The following KCNIP4 variants were observed in gnomAD, a reference collection of about 807,000 sequenced individuals.
KCNIP4 encodes the protein Kv channel-interacting protein 4.
KCNIP4 carries 12 observed loss-of-function variants against 34.0 expected under a neutral mutation model. The observed-to-expected ratio is 0.35, with a 90% CI of 0.23 to 0.57. KCNIP4 has a LOEUF of 0.57. Ranked by LOEUF, KCNIP4 falls within the 20% of genes least tolerant of loss-of-function variation. The pLI, the probability that KCNIP4 is intolerant of heterozygous loss-of-function variation, is 0.83. For synonymous variants in KCNIP4, 124 were observed against 102.2 expected, an observed-to-expected ratio of 1.21 and a Z score of -1.29; for missense variants, 238 against 311.7, an observed-to-expected ratio of 0.76 and a Z score of 1.78.
intron 1 of KCNIP4, among the ~76,000 whole-genome samples, chr4:21,579,070 G>T (rs1050517131): frequency 6.6e-6 from 1 of 152,130 alleles, no homozygotes; most frequent in Non-Finnish European, 1.5e-5. Flanking sequence ...GAGATTCTAA[G>T]AGATCAACTG....
intron 1 of KCNIP4, among the ~76,000 whole-genome samples, chr4:21,311,487 G>A (rs938352598): frequency 6.6e-6 from 1 of 152,064 alleles, no homozygotes; most frequent in Non-Finnish European, 1.5e-5. Context: ...TCAAGAGATC[G>A]AGACCATCCT....
intron 1 of KCNIP4, among the ~76,000 whole-genome samples, chr4:21,617,517 T>C (rs187043473): frequency 4.6e-5 from 7 of 152,292 alleles, no homozygotes; most frequent in Admixed American, 3.3e-4. Context: ...ATGATTCCTT[T>C]GTGTAATTTT....
In KCNIP4 at chr4:21,002,238, C is replaced by T. The variant is rs151051466; in HGVS notation, c.62-119529G>A. On this transcript the variant is annotated intron_variant, in intron 1 of 8. Coordinates refer to ENST00000382152, the MANE Select transcript of KCNIP4 (RefSeq NM_025221.6). ...CACTGCACAAAGTAAATGATGAGCC[C>T]GGAGCCAATTTCTCATCTCAGACAC... Among the ~76,000 whole-genome samples, 349 of 152,218 alleles carry T rather than the reference C, an allele frequency of 2.3e-3. 1 individual carries two copies. The highest frequency in any genetic ancestry group is 7.9e-3 in the African/African-American group (327 of 41,550).
intron 1 of KCNIP4, among the ~76,000 whole-genome samples, chr4:21,305,570 A>G (rs2109256854): frequency 6.6e-6 from 1 of 152,298 alleles, no homozygotes; most frequent in Non-Finnish European, 1.5e-5. Context: ...TCTTAATCAG[A>G]AACCTTCCAT....
Position 21,221,076 on chromosome 4 carries a change from CT to C in KCNIP4, c.62-338368del, listed in dbSNP as rs1020872877. 1.3e-4 allele frequency among the ~76,000 whole-genome samples: 20 copies of C among 152,156 alleles called. 1 individual carries two copies. Among genetic ancestry groups the C allele is most frequent in the Non-Finnish European group, 2.8e-4 (19 of 68,028 alleles). ...TTTAAATAATTCATCGTTCATTCCT[CT>C]GTGCTCTTAACACCTGCTCCTTAGG... On this transcript the variant is annotated intron_variant, in intron 1 of 8. Transcript: ENST00000382152.
chr4:21,167,664 G>A (rs1191384013), intron 1 of KCNIP4, among the ~76,000 whole-genome samples: 5 of 152,326 alleles, frequency 3.3e-5, no homozygotes, highest in Admixed American at 2.6e-4. Flanking sequence ...CTGGCCATCA[G>A]TAGCCACTTT....
At chr4:21,412,845 C>A (rs1724623223) in intron 1 of KCNIP4, among the ~76,000 whole-genome samples, 1 of 152,166 alleles carries the variant, frequency 6.6e-6, no homozygotes, top group South Asian at 2.1e-4. Flanking sequence ...CCCTGGAAAA[C>A]TGCATCCTTT....
At chr4:20,826,813 A>G (rs1717813694) in intron 3 of KCNIP4, among the ~76,000 whole-genome samples, 1 of 152,170 alleles carries the variant, frequency 6.6e-6, no homozygotes, top group Non-Finnish European at 1.5e-5. Flanking sequence ...GGCTTATAAC[A>G]TTAGATGGCA....
At chr4:21,431,504 C>G (rs1437320787) in intron 1 of KCNIP4, among the ~76,000 whole-genome samples, 1 of 152,010 alleles carries the variant, frequency 6.6e-6, no homozygotes, top group Admixed American at 6.6e-5. Context: ...AAAAGACATT[C>G]ATAAATGGTA....
chr4:20,931,347 A>G lies in KCNIP4; in HGVS notation c.62-48638T>C, dbSNP rs568780293. 2.0e-3 allele frequency among the ~76,000 whole-genome samples: 311 copies of G among 152,280 alleles called. 1 individual carries two copies. The highest frequency in any genetic ancestry group is 7.2e-3 in the African/African-American group (301 of 41,572). On this transcript the variant is annotated intron_variant, in intron 1 of 8. Transcript: ENST00000382152. ...GATAGTAAGAAAAATAGAGTCATGT[A>G]TCATTTAACAACAAGGATATGTTCC...
At chr4:21,450,778 A>G (rs1459009357) in intron 1 of KCNIP4, among the ~76,000 whole-genome samples, 1 of 152,176 alleles carries the variant, frequency 6.6e-6, no homozygotes, top group Non-Finnish European at 1.5e-5. Context: ...TTGCCTATCT[A>G]TGGAAGTATT....
intron 1 of KCNIP4, among the ~76,000 whole-genome samples, chr4:21,827,496 A>G (rs753642288): frequency 6.6e-6 from 1 of 152,052 alleles, no homozygotes; most frequent in Non-Finnish European, 1.5e-5. Context: ...AGAATTTCAG[A>G]AAGGCCAAAA....
intron 1 of KCNIP4, among the ~76,000 whole-genome samples, chr4:21,586,537 AG>A (rs1741631140): frequency 6.6e-6 from 1 of 152,060 alleles, no homozygotes; most frequent in Admixed American, 6.6e-5. Context: ...TAAAAATCAA[AG>A]GAAGGTGTGA....
At chr4:21,229,028 T>C (rs942304355) in intron 1 of KCNIP4, among the ~76,000 whole-genome samples, 4 of 152,228 alleles carry the variant, frequency 2.6e-5, no homozygotes, top group African/African-American at 9.6e-5. Flanking sequence ...TTCACCACAA[T>C]GATTGAATCC....
chr4:21,832,296 C>T (rs955293668), intron 1 of KCNIP4, among the ~76,000 whole-genome samples: 1 of 152,162 alleles, frequency 6.6e-6, no homozygotes, highest in African/African-American at 2.4e-5. Flanking sequence ...AAGCTGAGAG[C>T]TTATCCTTTA....
chr4:20,923,600 A>G (rs912377079), intron 1 of KCNIP4, among the ~76,000 whole-genome samples: 1 of 152,212 alleles, frequency 6.6e-6, no homozygotes, highest in Non-Finnish European at 1.5e-5. Flanking sequence ...GCAAAAGATT[A>G]TATACTAGAG....
chr4:20,987,173 A>G (rs1465908630), intron 1 of KCNIP4, among the ~76,000 whole-genome samples: 1 of 152,134 alleles, frequency 6.6e-6, no homozygotes, highest in Non-Finnish European at 1.5e-5. Flanking sequence ...AGGTGGGAGG[A>G]TAACTTAGGA....
chr4:21,867,102 T>C (rs750092340), intron 1 of KCNIP4, among the ~76,000 whole-genome samples: 3 of 152,182 alleles, frequency 2.0e-5, no homozygotes, highest in Admixed American at 6.5e-5. Context: ...GCTTCAACTT[T>C]AGTGTTAATT....
In KCNIP4 at chr4:21,025,991, G is replaced by A. The variant is rs112554256; in HGVS notation, c.62-143282C>T. ...ACAGTCTTTGACATCATGGAACACC[G>A]ATTCTAAGAGAAAGAGAGAAATATT... On this transcript the variant is annotated intron_variant, in intron 1 of 8. Transcript: ENST00000382152. Among the ~76,000 whole-genome samples the A allele has an allele frequency of 5.0e-3, 758 of 152,248 alleles. 10 individuals are homozygous for A. The highest frequency in any genetic ancestry group is 0.017 in the African/African-American group (700 of 41,548).
Sources: allele counts gnomAD v4.1 joint callset (sites outside exome capture counted in the v4.1 genomes callset), GRCh38; gene constraint gnomAD v4.1.1; transcripts MANE v1.5; gene names NCBI Gene and HGNC (gene_info 2026-07-23, HGNC 2026-07-21).